Variants in CTTNBP2 observed in about 807,000 individuals in gnomAD.
The protein encoded by CTTNBP2 is cortactin-binding protein 2.
A neutral mutation model predicts 156.9 loss-of-function variants in CTTNBP2; 108 were observed. The ratio of observed to expected loss-of-function variants is 0.69; its 90% confidence interval spans 0.59 to 0.81. The LOEUF is 0.81. Ranked by LOEUF, CTTNBP2 falls within the 30% of genes least tolerant of loss-of-function variation. The pLI is 0.00. For synonymous variants in CTTNBP2, 767 were observed against 751.8 expected (o/e 1.02, Z -0.33); for missense variants, 1,924 against 2,035.4 (o/e 0.95, Z 1.05).
chr7:117,769,217 G>C (rs73215966), intron 8 of CTTNBP2, among the ~76,000 whole-genome samples: 1 of 152,146 alleles, frequency 6.6e-6, no homozygotes, highest in Non-Finnish European at 1.5e-5. Context: ...GCAATAATGA[G>C]TTTGCTAGAA....
At chr7:117,814,413 A>G (rs1357852651) in intron 2 of CTTNBP2, among the ~76,000 whole-genome samples, 1 of 152,162 alleles carries the variant, frequency 6.6e-6, no homozygotes, top group African/African-American at 2.4e-5. Context: ...GTACAGGTTC[A>G]TAAACATAAA....
At chr7:117,821,630 C>G (rs1326502775) in intron 2 of CTTNBP2, among the ~76,000 whole-genome samples, 1 of 150,428 alleles carries the variant, frequency 6.6e-6, no homozygotes, top group African/African-American at 2.4e-5. Flanking sequence ...TCTCTGTCGC[C>G]CAGGCTGGAG....
intron 7 of CTTNBP2, 93 bp downstream of exon 7, chr7:117,780,348 T>G: frequency 2.4e-6 from 2 of 849,028 alleles, no homozygotes; most frequent in Non-Finnish European, 3.4e-6. Context: ...TAAAGCAACC[T>G]CTATTTTAAT....
intron 5 of CTTNBP2, among the ~76,000 whole-genome samples, chr7:117,783,483 C>G (rs1271301402): frequency 2.0e-5 from 3 of 152,168 alleles, no homozygotes; most frequent in Non-Finnish European, 2.9e-5. Context: ...TCGAAAGTCA[C>G]CTAACTCAGG....
At chr7:117,744,622 C>T (rs547794527) in intron 14 of CTTNBP2, among the ~76,000 whole-genome samples, 10 of 152,108 alleles carry the variant, frequency 6.6e-5, no homozygotes, top group Non-Finnish European at 1.2e-4. Flanking sequence ...CGGTGGCTCA[C>T]GCTTGTAATC....
intron 8 of CTTNBP2, among the ~76,000 whole-genome samples, chr7:117,773,706 C>G (rs1031144265): frequency 1.2e-4 from 15 of 127,108 alleles, no homozygotes; most frequent in African/African-American, 5.6e-4. Flanking sequence ...CACACACACA[C>G]ACCCCAAAAA....
intron 22 of CTTNBP2, chr7:117,714,033 G>C (rs537456429): frequency 6.6e-6 from 1 of 152,296 alleles, no homozygotes; most frequent in Non-Finnish European, 1.5e-5. Flanking sequence ...TTTTAACTAC[G>C]TCCGAGGAAG....
Position 117,721,086 on chromosome 7 carries a change from C to A in CTTNBP2, c.4492G>T (p.Ala1498Ser), listed in dbSNP as rs1436572277. The A allele has an allele frequency of 6.2e-7, 1 of 1,606,624 alleles. No individual in the cohort carries two copies. Residue 1498 changes from alanine (A) to serine (S), a missense_variant, in exon 20 of 23, where the codon GCT becomes TCT. Ala to Ser is a moderately conservative substitution (Grantham distance 99). Transcript: ENST00000160373. ...TISQLNCNRN[A>S]SLSKQKSLEN... Reference sequence around the variant, plus strand: ...ACTTACTTTTGTTTTGACAGAGAAGCATTCCTGTTACAATTCAGCTGTGAT... The same window carrying A: ...ACTTACTTTTGTTTTGACAGAGAAGAATTCCTGTTACAATTCAGCTGTGAT...
chr7:117,733,500 T>C (rs1795516088), intron 16 of CTTNBP2, among the ~76,000 whole-genome samples: 2 of 152,210 alleles, frequency 1.3e-5, no homozygotes, highest in South Asian at 2.1e-4. Context: ...GGCAATGAGA[T>C]TTAAATATTG....
chr7:117,741,590 C>T (rs1562965640), intron 14 of CTTNBP2, among the ~76,000 whole-genome samples: 1 of 152,230 alleles, frequency 6.6e-6, no homozygotes, highest in Non-Finnish European at 1.5e-5. Context: ...TACCAAACCA[C>T]AGTCATGTGA....
intron 11 of CTTNBP2, 84 bp from the exon 12 acceptor site, chr7:117,756,718 G>A (rs570117091): frequency 1.1e-6 from 1 of 947,938 alleles, no homozygotes; most frequent in South Asian, 1.3e-5. Context: ...TATCATAGAA[G>A]ATGAATGTGT....
At chr7:117,833,177 T>C (rs1282062407) in intron 2 of CTTNBP2, among the ~76,000 whole-genome samples, 1 of 152,130 alleles carries the variant, frequency 6.6e-6, no homozygotes, top group African/African-American at 2.4e-5. Flanking sequence ...AGGAATCTGC[T>C]GAAATTATTC....
At position 117,790,059 on chromosome 7, in the gene CTTNBP2, A is replaced by G. The variant is rs182905466; in HGVS notation, c.2068+1069T>C. On this transcript the variant is annotated intron_variant, in intron 4 of 22. Transcript: ENST00000160373. ...TCTCTCTCCCCTCAAAGTATTAAAT[A>G]TAACAACTGTTCAAACCTTCCTGTA... Among the ~76,000 whole-genome samples the G allele has an allele frequency of 3.7e-4, 56 of 152,352 alleles. 1 individual carries two copies. In the East Asian group the frequency reaches 9.6e-3, roughly 26 times the overall value.
intron 12 of CTTNBP2, among the ~76,000 whole-genome samples, chr7:117,748,192 T>C (rs1368565407): frequency 6.6e-6 from 1 of 152,124 alleles, no homozygotes; most frequent in African/African-American, 2.4e-5. Flanking sequence ...TATTAAATAA[T>C]AATTATTGAA....
intron 2 of CTTNBP2, among the ~76,000 whole-genome samples, chr7:117,841,983 G>A (rs1159602066): frequency 6.6e-6 from 1 of 152,102 alleles, no homozygotes. Context: ...CCCTGGCTTG[G>A]GGGAGAGCAT....
chr7:117,787,709 A>T (rs6961987), intron 4 of CTTNBP2, among the ~76,000 whole-genome samples: 7,330 of 152,266 alleles, frequency 0.048, 559 homozygotes, highest in African/African-American at 0.17. Context: ...GAATGTTATT[A>T]AAAAATTTAA....
chr7:117,853,507 C>T (rs187302942), intron 2 of CTTNBP2, among the ~76,000 whole-genome samples: 11 of 152,182 alleles, frequency 7.2e-5, no homozygotes, highest in Admixed American at 5.9e-4. Context: ...TGCAAAAACC[C>T]ATGACTTGTA....
chr7:117,805,800 C>T (rs908819644), intron 3 of CTTNBP2, among the ~76,000 whole-genome samples: 11 of 152,100 alleles, frequency 7.2e-5, no homozygotes, highest in Non-Finnish European at 1.6e-4. Flanking sequence ...TTTGAGTCAT[C>T]TTGGTATTAA....
At chr7:117,843,773 G>A (rs1802409916) in intron 2 of CTTNBP2, among the ~76,000 whole-genome samples, 1 of 152,168 alleles carries the variant, frequency 6.6e-6, no homozygotes, top group Non-Finnish European at 1.5e-5. Context: ...CTACACAAGT[G>A]GGAGGACCAG....
Sources: allele counts gnomAD v4.1 joint callset (sites outside exome capture counted in the v4.1 genomes callset), GRCh38; gene constraint gnomAD v4.1.1; transcripts MANE v1.5; gene names NCBI Gene and HGNC (gene_info 2026-07-23, HGNC 2026-07-21).